Variants in TLN2 observed in about 807,000 individuals in gnomAD.
TLN2 encodes talin 2, also known as talin-2.
TLN2 carries 118 observed loss-of-function variants against 294.7 expected under a neutral mutation model. The observed-to-expected ratio is 0.40, with a 90% CI of 0.34 to 0.47. The LOEUF is 0.47. Among genes scored for constraint, TLN2 ranks in the 20% least tolerant of loss-of-function variants. The probability of loss-of-function intolerance (pLI) is 0.84; values close to 1 mark genes in which losing one functional copy is unlikely to be tolerated. For synonymous variants in TLN2, 1,431 were observed against 1,304.5 expected, an observed-to-expected ratio of 1.10 and a Z score of -2.09; for missense variants, 3,083 against 3,282.2, an observed-to-expected ratio of 0.94 and a Z score of 1.48.
chr15:62,816,205 C>T (rs112298270), intron 52 of TLN2, among the ~76,000 whole-genome samples: 12 of 152,298 alleles, frequency 7.9e-5, no homozygotes, highest in African/African-American at 2.2e-4. Flanking sequence ...CCCGCTGCCC[C>T]GAGAGCTGCT....
At chr15:62,640,278 T>C (rs2050873565) in intron 3 of TLN2, 1 of 455,930 alleles carries the variant, frequency 2.2e-6, no homozygotes, top group Non-Finnish European at 4.4e-6. Context: ...GATTGAGATG[T>C]AGACACAGAT....
chr15:62,687,872 A>G (rs943784774), intron 12 of TLN2: 1 of 152,224 alleles, frequency 6.6e-6, no homozygotes, highest in Non-Finnish European at 1.5e-5. Flanking sequence ...TCAAAAGATG[A>G]ATGTTCATAC....
At chr15:62,409,278 T>C (rs1337298813) in intron 1 of TLN2, among the ~76,000 whole-genome samples, 1 of 152,186 alleles carries the variant, frequency 6.6e-6, no homozygotes, top group Non-Finnish European at 1.5e-5. Context: ...TTGTAGTTTT[T>C]ATAATCAAAA....
intron 21 of TLN2, among the ~76,000 whole-genome samples, chr15:62,710,479 TTTG>T (rs1056843826): frequency 2.0e-5 from 3 of 152,160 alleles, no homozygotes; most frequent in African/African-American, 4.8e-5. Context: ...CACATTTGAA[TTTG>T]TTGTTGTTTG....
chr15:62,509,947 A>G (rs1220830967), intron 1 of TLN2, among the ~76,000 whole-genome samples: 3 of 152,186 alleles, frequency 2.0e-5, no homozygotes, highest in Non-Finnish European at 4.4e-5. Flanking sequence ...TTGGATAAGG[A>G]TATTAGTTTC....
chr15:62,567,933 C>T (rs1271192319), intron 1 of TLN2, among the ~76,000 whole-genome samples: 2 of 152,114 alleles, frequency 1.3e-5, no homozygotes, highest in Non-Finnish European at 1.5e-5. Flanking sequence ...AAGATGATGC[C>T]TTTTGGTTTA....
intron 1 of TLN2, among the ~76,000 whole-genome samples, chr15:62,547,960 A>G (rs145848622): frequency 6.6e-6 from 1 of 152,304 alleles, no homozygotes; most frequent in African/African-American, 2.4e-5. Flanking sequence ...GCATCTGCCT[A>G]TACAGGAGTT....
intron 1 of TLN2, among the ~76,000 whole-genome samples, chr15:62,426,060 G>C (rs1344172218): frequency 6.6e-6 from 1 of 152,162 alleles, no homozygotes; most frequent in Non-Finnish European, 1.5e-5. Context: ...CCAATGCCAG[G>C]AAAGCCTCTA....
chr15:62,839,998 C>A (rs527695225), intron 58 of TLN2, among the ~76,000 whole-genome samples: 1 of 152,276 alleles, frequency 6.6e-6, no homozygotes, highest in East Asian at 1.9e-4. Context: ...ACCTTGAAAG[C>A]GTGAAATAAG....
At chr15:62,661,424 T>C (rs1287287736) in intron 9 of TLN2, among the ~76,000 whole-genome samples, 1 of 152,154 alleles carries the variant, frequency 6.6e-6, no homozygotes, top group Non-Finnish European at 1.5e-5. Flanking sequence ...AATAAAGTTT[T>C]AATACTGGTC....
intron 39 of TLN2, 50 bp from the exon 40 acceptor site, chr15:62,763,513 G>A: frequency 6.4e-7 from 1 of 1,559,566 alleles, no homozygotes; most frequent in African/African-American, 1.4e-5. Flanking sequence ...AGCAGGCTGT[G>A]GGACTTGAGC....
chr15:62,716,904 AAAAG>A (rs1167115556), intron 23 of TLN2, among the ~76,000 whole-genome samples: 1 of 151,446 alleles, frequency 6.6e-6, no homozygotes, highest in East Asian at 2.0e-4. Context: ...ATTATTCTGA[AAAAG>A]AAAGTTGAAA....
At chr15:62,830,261 A>C (rs1485653125) in intron 54 of TLN2, 1 of 152,306 alleles carries the variant, frequency 6.6e-6, no homozygotes, top group East Asian at 1.9e-4. Context: ...GAGGGCCTTA[A>C]GACACCAACC....
chr15:62,408,870 G>A (rs2033588181), intron 1 of TLN2, among the ~76,000 whole-genome samples: 1 of 151,786 alleles, frequency 6.6e-6, no homozygotes, highest in Non-Finnish European at 1.5e-5. Context: ...TTGTTGCCCA[G>A]GCTGTTCTTG....
intron 55 of TLN2, 73 bp from the exon 56 acceptor site, chr15:62,835,664 G>A (rs1427598877): frequency 6.4e-6 from 10 of 1,554,268 alleles, no homozygotes; most frequent in Admixed American, 5.0e-5. Context: ...TCCCGAGCAA[G>A]GTCTGGGGAT....
Position 62,797,541 on chromosome 15 carries a change from G to C in TLN2, c.6234+139G>C, listed in dbSNP as rs115303641. 1.5e-3 allele frequency: 1,622 copies of C among 1,049,760 alleles called. 8 individuals are homozygous for C. Among genetic ancestry groups the C allele is most frequent in the African/African-American group, 0.015 (939 of 61,970 alleles). The allele number at this position is 1,049,760 out of a possible 1,614,324, so 65.0% of individuals were successfully genotyped here. A position where few individuals can be genotyped will look rare whatever the true frequency, so the allele number is the denominator to read the frequency against. ...GTGAGTGTGTCTGGTTTGAGGAACC[G>C]GTAGGAGGCAGTCATCCAAGCGAGA... On this transcript the variant is annotated intron_variant, in intron 48 of 58. Coordinates refer to ENST00000636159, the MANE Select transcript of TLN2 (RefSeq NM_015059.3).
At chr15:62,819,046 G>C (rs867797287) in intron 52 of TLN2, among the ~76,000 whole-genome samples, 1 of 151,802 alleles carries the variant, frequency 6.6e-6, no homozygotes, top group Admixed American at 6.6e-5. Flanking sequence ...TTTAATTAGA[G>C]ATGAGGTCTT....
At chr15:62,599,933 A>T (rs1242930810) in intron 2 of TLN2, among the ~76,000 whole-genome samples, 2 of 152,190 alleles carry the variant, frequency 1.3e-5, no homozygotes, top group African/African-American at 4.8e-5. Flanking sequence ...GGATACAATG[A>T]CTTGGGCGTT....
At chr15:62,555,441 T>A (rs2042551903) in intron 1 of TLN2, among the ~76,000 whole-genome samples, 1 of 152,210 alleles carries the variant, frequency 6.6e-6, no homozygotes, top group African/African-American at 2.4e-5. Flanking sequence ...AGTAATAGAT[T>A]AGATTGTGTC....
Sources: allele counts gnomAD v4.1 joint callset (sites outside exome capture counted in the v4.1 genomes callset), GRCh38; gene constraint gnomAD v4.1.1; transcripts MANE v1.5; gene names NCBI Gene and HGNC (gene_info 2026-07-23, HGNC 2026-07-21).